The following NSD1 variants were observed in gnomAD, a reference collection of about 807,000 sequenced individuals.
The protein encoded by NSD1 is histone-lysine N-methyltransferase, H3 lysine-36 specific.
In NSD1, 26 loss-of-function variants were observed where a neutral mutation model predicts 242.7. The ratio of observed to expected loss-of-function variants is 0.11; its 90% confidence interval spans 0.08 to 0.15. The LOEUF (loss-of-function observed/expected upper bound fraction) is 0.15. NSD1 is among the 10% of genes least tolerant of loss of function. NSD1 has a pLI of 1.00. For missense variants in NSD1, 2,495 were observed against 3,272.8 expected (o/e 0.76, Z 5.80); for synonymous variants, 1,106 against 1,178.1 (o/e 0.94, Z 1.25).
intron 2 of NSD1, among the ~76,000 whole-genome samples, chr5:177,154,105 G>GCTA (rs1475688266): frequency 1.3e-5 from 2 of 152,112 alleles, no homozygotes; most frequent in African/African-American, 4.8e-5. Context: ...TCATATGGAT[G>GCTA]CTAGCTCTTT....
intron 2 of NSD1, among the ~76,000 whole-genome samples, chr5:177,141,105 C>T (rs1466266889): frequency 6.6e-6 from 1 of 152,048 alleles, no homozygotes; most frequent in African/African-American, 2.4e-5. Context: ...TCACTGCAAC[C>T]TCTGCCTCCC....
At chr5:177,190,508 T>C (rs890307081) in intron 2 of NSD1, among the ~76,000 whole-genome samples, 13 of 152,118 alleles carry the variant, frequency 8.5e-5, no homozygotes, top group Non-Finnish European at 1.5e-4. Context: ...CAGGCTGATC[T>C]CAAACTCCTG....
intron 5 of NSD1, among the ~76,000 whole-genome samples, chr5:177,216,911 A>G (rs77446237): frequency 0.018 from 2,738 of 149,870 alleles, 33 homozygotes; most frequent in Non-Finnish European, 0.028. Context: ...CCATAGCCTC[A>G]TGATATGTTT....
chr5:177,193,446 T>G (rs1239308605), intron 3 of NSD1, among the ~76,000 whole-genome samples: 5 of 151,972 alleles, frequency 3.3e-5, no homozygotes, highest in African/African-American at 4.8e-5. Flanking sequence ...CGGGCCAATT[T>G]TTGTATTTTT....
intron 5 of NSD1, among the ~76,000 whole-genome samples, chr5:177,231,383 C>T (rs1030008146): frequency 6.6e-6 from 1 of 152,178 alleles, no homozygotes; most frequent in African/African-American, 2.4e-5. Context: ...CTTTGCCTAG[C>T]TGTTTTCACC....
At chr5:177,146,722 C>G (rs559544047) in intron 2 of NSD1, among the ~76,000 whole-genome samples, 9 of 151,600 alleles carry the variant, frequency 5.9e-5, no homozygotes, top group Non-Finnish European at 5.9e-5. Flanking sequence ...TCTAAATGTT[C>G]GCTGGGTGCA....
Position 177,251,723 on chromosome 5 carries a change from T to C in NSD1, c.4642-7T>C, listed in dbSNP as rs183928380. The C allele has an allele frequency of 1.1e-4, 182 of 1,614,096 alleles. 3 individuals are homozygous for C. The East Asian group carries it at 3.9e-3, about 35-fold the overall frequency. On this transcript the variant is annotated splice_polypyrimidine_tract_variant and splice_region_variant and intron_variant, in intron 11 of 22. Coordinates refer to ENST00000439151, the MANE Select transcript of NSD1 (RefSeq NM_022455.5). ...AAAACAGATAGATGTTTTCTTTCTC[T>C]TAACAGAATTGTGAAAAATTGGGTG...
chr5:177,275,435 CTTTT>C (rs749631943), intron 17 of NSD1, among the ~76,000 whole-genome samples: 46 of 50,136 alleles, frequency 9.2e-4, no homozygotes, highest in African/African-American at 3.4e-3. Flanking sequence ...CTTCCCTTGT[CTTTT>C]TTTTTTTTTT....
At chr5:177,217,346 G>GCCGAAGATACAA (rs1044187271) in intron 5 of NSD1, among the ~76,000 whole-genome samples, 2 of 151,942 alleles carry the variant, frequency 1.3e-5, no homozygotes, top group African/African-American at 4.8e-5. Flanking sequence ...TTGTATCTTG[G>GCCGAAGATACAA]AACTTTGCCG....
chr5:177,147,333 G>A (rs1422223175), intron 2 of NSD1, among the ~76,000 whole-genome samples: 4 of 152,024 alleles, frequency 2.6e-5, no homozygotes, highest in African/African-American at 7.2e-5. Context: ...TCTTGAACTC[G>A]TGAGCTCAAG....
At chr5:177,163,362 T>G (rs1171544643) in intron 2 of NSD1, among the ~76,000 whole-genome samples, 2 of 151,822 alleles carry the variant, frequency 1.3e-5, no homozygotes. Context: ...AGGCTGGTCT[T>G]GAACTCCTGA....
rs1385474455 is a variant in NSD1 at position 177,212,118 on chromosome 5, C to G, written c.3719C>G (p.Ser1240Cys). The change falls in exon 5 of 23, where the codon TCC becomes TGC. Residue 1240 changes from serine (S) to cysteine (C), a missense_variant. Ser to Cys is a moderately radical substitution (Grantham distance 112). Coordinates refer to ENST00000439151, the MANE Select transcript of NSD1 (RefSeq NM_022455.5). ...CCACGGTTAAATGTTTGTGATAAAT[C>G]CAGTGCCAGCATTGGTGACATGGAA... ...AGPRLNVCDK[S>C]SASIGDMEKE... 6.2e-7 allele frequency: 1 copy of G among 1,614,084 alleles called. No individual in the cohort carries two copies. Among genetic ancestry groups the G allele is most frequent in the Non-Finnish European group, 8.5e-7 (1 of 1,180,016 alleles).
chr5:177,293,806 C>G (rs770927036), intron 22 of NSD1, 26 bp from the exon 23 acceptor site: 10 of 1,613,088 alleles, frequency 6.2e-6, no homozygotes, highest in Non-Finnish European at 8.5e-6. Flanking sequence ...TTTTCCTAAA[C>G]TTTTGATTTA....
At chr5:177,248,841 A>G (rs1360617053) in intron 11 of NSD1, among the ~76,000 whole-genome samples, 1 of 152,206 alleles carries the variant, frequency 6.6e-6, no homozygotes, top group Admixed American at 6.5e-5. Flanking sequence ...TAATAATCTC[A>G]TAAGTAGAGT....
rs1057524420 is a variant in NSD1 at position 177,135,765 on chromosome 5, C to T, written c.662C>T (p.Ala221Val). The T allele has an allele frequency of 1.2e-6, 2 of 1,613,490 alleles. No individual in the cohort carries two copies. The highest frequency in any genetic ancestry group is 1.3e-5 in the African/African-American group (1 of 75,028). ...AGCACACCAGAGAGTAGACACGGTGCAGTCAAATCGCCATTCTTGCCATTA... is the reference window on the plus strand; with the variant it reads ...AGCACACCAGAGAGTAGACACGGTGTAGTCAAATCGCCATTCTTGCCATTA... ...QDSTPESRHGAVKSPFLPLAP... is the reference protein window; with the variant it reads ...QDSTPESRHGVVKSPFLPLAP... The change falls in exon 2 of 23, where the codon GCA (alanine) becomes GTA (valine). Residue 221 changes from alanine (A) to valine (V), a missense_variant. By Grantham distance (64) the Ala-to-Val change is moderately conservative. Coordinates refer to ENST00000439151, the MANE Select transcript of NSD1 (RefSeq NM_022455.5).
intron 5 of NSD1, among the ~76,000 whole-genome samples, chr5:177,214,759 G>A (rs991501263): frequency 8.0e-5 from 12 of 149,454 alleles, no homozygotes; most frequent in African/African-American, 3.0e-4. Context: ...CCTCTGCCTC[G>A]TGGGTTCTCG....
At position 177,210,370 on chromosome 5, in the gene NSD1, G is replaced by A; in HGVS notation, c.1971G>A (p.Glu657=). 1 of 1,614,144 alleles carries A rather than the reference G, an allele frequency of 6.2e-7. No individual in the cohort carries two copies. Among genetic ancestry groups the A allele is most frequent in the Non-Finnish European group, 8.5e-7 (1 of 1,180,026 alleles). ...TGGATCCCATAGAACACAGCTCAGA[G>A]TCTGATAACAGTGTCCTTGAAATTC... ...SDLDPIEHSS[E]SDNSVLEIPD... The change falls in exon 5 of 23, where the codon GAG becomes GAA. Residue 657 remains glutamate (E), a synonymous_variant. Transcript: ENST00000439151.
chr5:177,250,498 T>G (rs1157864678), intron 11 of NSD1, among the ~76,000 whole-genome samples: 2 of 152,118 alleles, frequency 1.3e-5, no homozygotes, highest in East Asian at 3.8e-4. Context: ...ATTTAGTTAA[T>G]GCAAAAACTT....
At chr5:177,293,653 G>T (rs909001850) in intron 22 of NSD1, among the ~76,000 whole-genome samples, 179 bp from the exon 23 acceptor site, 1 of 150,344 alleles carries the variant, frequency 6.7e-6, no homozygotes, top group African/African-American at 2.5e-5. Flanking sequence ...TGTATTCTGT[G>T]CACAAAAAGA....
Sources: gnomAD v4.1 joint callset for allele counts (sites outside exome capture counted in the v4.1 genomes callset) on GRCh38, gnomAD v4.1.1 for gene constraint, MANE v1.5 for transcripts, NCBI Gene and HGNC (gene_info 2026-07-23, HGNC 2026-07-21) for gene names.